R3HDM1: variants seen among roughly 807,000 people sequenced by gnomAD.
R3HDM1 encodes R3H domain containing 1.
Under a neutral mutation model 141.1 loss-of-function variants are expected in R3HDM1, and 46 were observed. The observed-to-expected ratio is 0.33, with a 90% CI of 0.26 to 0.42. R3HDM1 has a LOEUF of 0.42. Ranked by LOEUF, R3HDM1 falls within the 10% of genes least tolerant of loss-of-function variation. The pLI is 1.00. For synonymous variants in R3HDM1, 435 were observed against 472.9 expected (o/e 0.92, Z 1.04); for missense variants, 1,184 against 1,368.3 (o/e 0.87, Z 2.12).
At chr2:135,670,556 C>G (rs188218420) in intron 19 of R3HDM1, 31 of 319,228 alleles carry the variant, frequency 9.7e-5, no homozygotes, top group African/African-American at 5.6e-4. Context: ...AACCCCATTT[C>G]TATAAATAAT....
chr2:135,543,026 C>T, intron 1 of R3HDM1: 1 of 911,502 alleles, frequency 1.1e-6, no homozygotes, highest in Non-Finnish European at 1.3e-6. Context: ...GTGTGAGCCA[C>T]TGTCCCTGGT....
At chr2:135,532,878 G>A (rs575795721) in intron 1 of R3HDM1, among the ~76,000 whole-genome samples, 2 of 152,284 alleles carry the variant, frequency 1.3e-5, no homozygotes, top group African/African-American at 2.4e-5. Flanking sequence ...CTGCTTTTAT[G>A]CCTGGAAGAA....
At chr2:135,649,425 A>G (rs1271186804) in intron 16 of R3HDM1, 1 of 152,132 alleles carries the variant, frequency 6.6e-6, no homozygotes, top group Non-Finnish European at 1.5e-5. Context: ...TCACCTTATC[A>G]GTAGGGTAAT....
intron 24 of R3HDM1, among the ~76,000 whole-genome samples, chr2:135,720,209 A>G (rs945819497): frequency 3.3e-5 from 5 of 152,056 alleles, no homozygotes; most frequent in Non-Finnish European, 5.9e-5. Flanking sequence ...CTAAACCCCC[A>G]TGTCATATCT....
chr2:135,591,120 A>G (rs1709171794), intron 1 of R3HDM1, among the ~76,000 whole-genome samples: 1 of 152,158 alleles, frequency 6.6e-6, no homozygotes, highest in South Asian at 2.1e-4. Flanking sequence ...TACCAATTCA[A>G]CTGCTAGAGA....
intron 23 of R3HDM1, among the ~76,000 whole-genome samples, chr2:135,714,179 T>C (rs2075945340): frequency 6.6e-6 from 1 of 152,158 alleles, no homozygotes; most frequent in Admixed American, 6.5e-5. Flanking sequence ...ATAGGCACCA[T>C]GTTAACAAAG....
At chr2:135,639,148 CAGTCA>C (rs751013912) in intron 14 of R3HDM1, 26 bp downstream of exon 14, 1 of 1,592,478 alleles carries the variant, frequency 6.3e-7, no homozygotes, top group South Asian at 1.1e-5. Flanking sequence ...CAAAACTGTG[CAGTCA>C]AGTCATTAGT....
chr2:135,643,392 T>C lies in R3HDM1; in HGVS notation c.1474+1602T>C, dbSNP rs927869142. Among the ~76,000 whole-genome samples, 9 of 151,202 alleles carry C rather than the reference T, an allele frequency of 6.0e-5. 1 individual carries two copies. Among genetic ancestry groups the C allele is most frequent in the Admixed American group, 4.6e-4 (7 of 15,078 alleles). On this transcript the variant is annotated intron_variant, in intron 15 of 26. Coordinates refer to ENST00000683871, the MANE Select transcript of R3HDM1 (RefSeq NM_001378107.1). Reference sequence around the variant, plus strand: ...TAGTATAGTCTTCTCTCCCAAATATTATGTTTTGATATCATAAGTTTCCTC... The same window carrying C: ...TAGTATAGTCTTCTCTCCCAAATATCATGTTTTGATATCATAAGTTTCCTC...
In R3HDM1 at chr2:135,631,263, T is replaced by C. The variant is rs994408497; in HGVS notation, c.498-455T>C. 2.0e-5 allele frequency among the ~76,000 whole-genome samples: 3 copies of C among 152,178 alleles called. No individual in the cohort carries two copies. The East Asian group carries it at 5.8e-4, about 29-fold the overall frequency. On this transcript the variant is annotated intron_variant, in intron 7 of 26. Transcript: ENST00000683871. Reference sequence around the variant, plus strand: ...TCCTGAGCCTAACTAAAGATGTCTGTTCTTCTGCTTCCTCTCCACTTTATT... The same window carrying C: ...TCCTGAGCCTAACTAAAGATGTCTGCTCTTCTGCTTCCTCTCCACTTTATT...
At position 135,547,736 on chromosome 2, in the gene R3HDM1, G is replaced by T. The variant is rs141754046; in HGVS notation, c.-250+16103G>T. Among the ~76,000 whole-genome samples, 434 of 148,356 alleles carry T rather than the reference G, an allele frequency of 2.9e-3. 3 individuals are homozygous for T. The highest frequency in any genetic ancestry group is 1.0e-2 in the African/African-American group (405 of 40,602). On this transcript the variant is annotated intron_variant, in intron 1 of 26. Coordinates refer to ENST00000683871, the MANE Select transcript of R3HDM1 (RefSeq NM_001378107.1). ...GTTGCTTAGGAAATAAACCTTCTGA[G>T]AACTTATATGTCTGTAGTCTTTTTT... is the stretch of plus-strand genomic sequence containing the variant.
chr2:135,715,784 TCTA>T, intron 24 of R3HDM1, 90 bp downstream of exon 24: 8 of 1,468,336 alleles, frequency 5.4e-6, no homozygotes, highest in East Asian at 2.3e-5. Flanking sequence ...ATATTGCCTT[TCTA>T]TTTTCCATAG....
chr2:135,645,254 A>G, intron 15 of R3HDM1, 125 bp from the exon 16 acceptor site: 1 of 824,272 alleles, frequency 1.2e-6, no homozygotes, highest in South Asian at 2.0e-5. Flanking sequence ...TTTGTTTTCA[A>G]ATATTAGGGT....
At chr2:135,558,495 T>C (rs1227407974) in intron 1 of R3HDM1, among the ~76,000 whole-genome samples, 3 of 149,630 alleles carry the variant, frequency 2.0e-5, no homozygotes, top group Non-Finnish European at 4.4e-5. Flanking sequence ...ATAACCTTAG[T>C]GGGTTATTTT....
intron 16 of R3HDM1, among the ~76,000 whole-genome samples, chr2:135,647,229 C>T (rs1182977281): frequency 6.6e-6 from 1 of 152,186 alleles, no homozygotes; most frequent in African/African-American, 2.4e-5. Flanking sequence ...TCGCATAAAA[C>T]TTCTTCCCTG....
Position 135,649,960 on chromosome 2 carries a change from C to T in R3HDM1, c.1682C>T (p.Pro561Leu). The change falls in exon 17 of 27, where the codon CCA (proline) becomes CTA (leucine). Residue 561 changes from proline to leucine, a missense_variant. By Grantham distance (98) the Pro-to-Leu change is moderately conservative (BLOSUM62 -3). Transcript: ENST00000683871. ...GTTCAGTACTCTACAGCCCCTTACC[C>T]ATCCCCGTTCCTGCCAGTCTCACCC... Reference protein sequence around the residue: ...QPVQYSTAPYPSPFLPVSPTQ... With the variant: ...QPVQYSTAPYLSPFLPVSPTQ... 1 of 1,295,640 alleles carries T rather than the reference C, an allele frequency of 7.7e-7. No homozygotes were observed. Among genetic ancestry groups the T allele is most frequent in the Non-Finnish European group, 1.0e-6 (1 of 984,706 alleles). 80.3% of individuals were successfully genotyped at this position (1,295,640 alleles called of 1,614,324 possible).
At chr2:135,698,561 A>G (rs1438839935) in intron 21 of R3HDM1, among the ~76,000 whole-genome samples, 1 of 152,222 alleles carries the variant, frequency 6.6e-6, no homozygotes, top group African/African-American at 2.4e-5. Flanking sequence ...AAACTGTAAT[A>G]TATTTCTAAG....
At chr2:135,720,807 T>A (rs937042903) in intron 24 of R3HDM1, among the ~76,000 whole-genome samples, 1 of 152,230 alleles carries the variant, frequency 6.6e-6, no homozygotes, top group Non-Finnish European at 1.5e-5. Context: ...ATGCATATAT[T>A]ATATGCATAA....
intron 21 of R3HDM1, among the ~76,000 whole-genome samples, chr2:135,703,287 C>A (rs951027351): frequency 1.3e-5 from 2 of 152,102 alleles, no homozygotes; most frequent in African/African-American, 2.4e-5. Context: ...GGAAATAATC[C>A]TCTTTGGGCA....
intron 21 of R3HDM1, among the ~76,000 whole-genome samples, chr2:135,683,908 A>G (rs181685091): frequency 3.9e-5 from 6 of 152,152 alleles, no homozygotes; most frequent in African/African-American, 1.2e-4. Context: ...CTGAAGCACC[A>G]GCTGGGCATG....
Sources: gnomAD v4.1 joint callset for allele counts (sites outside exome capture counted in the v4.1 genomes callset) on GRCh38, gnomAD v4.1.1 for gene constraint, MANE v1.5 for transcripts, NCBI Gene and HGNC (gene_info 2026-07-23, HGNC 2026-07-21) for gene names.